The following KIAA1671 variants were observed in gnomAD, a reference collection of about 807,000 sequenced individuals.
KIAA1671 encodes the protein KIAA1671, also known as uncharacterized protein KIAA1671.
A neutral mutation model predicts 131.2 loss-of-function variants in KIAA1671; 52 were observed. That is an observed-to-expected ratio of 0.40 (90% CI 0.32 to 0.50). KIAA1671 has a LOEUF of 0.50. KIAA1671 is among the 20% of genes least tolerant of loss of function. KIAA1671 has a pLI of 0.73. For synonymous variants in KIAA1671, 1,003 were observed against 961.6 expected (o/e 1.04, Z -0.80); for missense variants, 2,360 against 2,364.2 (o/e 1.00, Z 0.04).
At chr22:25,129,243 G>T (rs1932322406) in intron 6 of KIAA1671, among the ~76,000 whole-genome samples, 1 of 152,218 alleles carries the variant, frequency 6.6e-6, no homozygotes, top group African/African-American at 2.4e-5. Context: ...TCTGGGCTGG[G>T]TATGTTGGCT....
At chr22:24,955,880 G>T (rs1300506162) in intron 1 of KIAA1671, among the ~76,000 whole-genome samples, 1 of 152,014 alleles carries the variant, frequency 6.6e-6, no homozygotes, top group Non-Finnish European at 1.5e-5. Flanking sequence ...AAAAAAATTA[G>T]CCAGGCATGG....
At chr22:24,953,388 G>A (rs757024695) in intron 1 of KIAA1671, among the ~76,000 whole-genome samples, 6 of 152,098 alleles carry the variant, frequency 3.9e-5, no homozygotes, top group Non-Finnish European at 8.8e-5. Flanking sequence ...CCTGGTCGAG[G>A]GGAGCCCGGA....
intron 6 of KIAA1671, chr22:25,070,454 T>A (rs893770842): frequency 2.3e-6 from 1 of 432,878 alleles, no homozygotes; most frequent in African/African-American, 2.0e-5. Flanking sequence ...CAGGACGGGG[T>A]CACGTCCTTT....
intron 6 of KIAA1671, among the ~76,000 whole-genome samples, chr22:25,123,894 C>T (rs1201001784): frequency 6.6e-6 from 1 of 152,212 alleles, no homozygotes; most frequent in East Asian, 1.9e-4. Flanking sequence ...GTACACATTT[C>T]TTCTCACTTA....
intron 6 of KIAA1671, among the ~76,000 whole-genome samples, chr22:25,157,158 T>G (rs1933271190): frequency 6.6e-6 from 1 of 152,204 alleles, no homozygotes; most frequent in Non-Finnish European, 1.5e-5. Flanking sequence ...TACATATAAT[T>G]ATACATTTTC....
chr22:25,041,798 G>T (rs972067185), intron 5 of KIAA1671, among the ~76,000 whole-genome samples: 1 of 152,158 alleles, frequency 6.6e-6, no homozygotes, highest in Middle Eastern at 3.2e-3. Flanking sequence ...AGGCTGGAGT[G>T]CAGTGGCATG....
At chr22:24,994,562 CCAGGCACCCTGTGGTGCCTGGGGTGG>C (rs1924010939) in intron 1 of KIAA1671, among the ~76,000 whole-genome samples, 1 of 152,100 alleles carries the variant, frequency 6.6e-6, no homozygotes, top group African/African-American at 2.4e-5. Context: ...TAGGCTCTTC[CCAGGCACCCTGTGGTGCCTGGGGTGG>C]CACACCTCTT....
intron 4 of KIAA1671, among the ~76,000 whole-genome samples, chr22:25,033,590 T>TTTTG (rs1926419944): frequency 7.7e-6 from 1 of 129,506 alleles, no homozygotes; most frequent in Non-Finnish European, 1.7e-5. Flanking sequence ...TTTTTTTTTT[T>TTTTG]TTTTTTTTGA....
At chr22:25,190,837 T>G in intron 12 of KIAA1671, 53 bp downstream of exon 12, 1 of 1,290,112 alleles carries the variant, frequency 7.8e-7, no homozygotes, top group East Asian at 2.6e-5. Flanking sequence ...GTCACAGGAA[T>G]GGGGAACTCA....
At chr22:25,160,779 C>T (rs373618124) in intron 6 of KIAA1671, among the ~76,000 whole-genome samples, 3 of 152,212 alleles carry the variant, frequency 2.0e-5, no homozygotes, top group African/African-American at 7.2e-5. Context: ...GAGGGGGAGT[C>T]AGTGGCTGCT....
chr22:25,037,774 T>G (rs1426152679), intron 4 of KIAA1671, among the ~76,000 whole-genome samples: 3 of 152,176 alleles, frequency 2.0e-5, no homozygotes, highest in African/African-American at 7.2e-5. Context: ...TTGACTGGCT[T>G]CTTTTGCTTA....
chr22:25,125,749 T>A (rs980378924), intron 6 of KIAA1671, among the ~76,000 whole-genome samples: 7 of 152,238 alleles, frequency 4.6e-5, no homozygotes, highest in Non-Finnish European at 7.3e-5. Context: ...AAAGTCACCC[T>A]GGTTGAGAAC....
intron 11 of KIAA1671, chr22:25,185,732 G>C (rs866725102): frequency 3.9e-5 from 6 of 152,286 alleles, no homozygotes; most frequent in African/African-American, 1.4e-4. Flanking sequence ...CACCATTGCT[G>C]CTTAAGAGCT....
chr22:25,032,211 G>C (rs1301857408), intron 3 of KIAA1671, among the ~76,000 whole-genome samples: 3 of 152,216 alleles, frequency 2.0e-5, no homozygotes, highest in East Asian at 3.9e-4. Flanking sequence ...CCCTCCTGGG[G>C]CATCTTCACT....
At chr22:24,989,940 T>C (rs1923751224) in intron 1 of KIAA1671, among the ~76,000 whole-genome samples, 1 of 152,100 alleles carries the variant, frequency 6.6e-6, no homozygotes, top group African/African-American at 2.4e-5. Context: ...AGGCAGAAGA[T>C]GGTAGAGAGC....
intron 6 of KIAA1671, among the ~76,000 whole-genome samples, chr22:25,152,104 C>T (rs940877870): frequency 1.3e-5 from 2 of 152,338 alleles, no homozygotes; most frequent in Non-Finnish European, 2.9e-5. Flanking sequence ...AGTAGCTGCG[C>T]TATATTCTAT....
chr22:25,150,018 A>G lies in KIAA1671; in HGVS notation c.4531-20802A>G, dbSNP rs546721464. Among the ~76,000 whole-genome samples the G allele has an allele frequency of 2.6e-5, 4 of 152,226 alleles. No individual in the cohort carries two copies. In the South Asian group the frequency reaches 6.2e-4, roughly 24 times the overall value. On this transcript the variant is annotated intron_variant, in intron 6 of 12. Transcript: ENST00000358431. ...GTGCCTGGTTGAAATGGTCGGCTTT[A>G]ATATCCATCTCCCCAACTTGATTTT...
At chr22:25,149,281 G>C (rs957004247) in intron 6 of KIAA1671, among the ~76,000 whole-genome samples, 1 of 152,190 alleles carries the variant, frequency 6.6e-6, no homozygotes, top group African/African-American at 2.4e-5. Context: ...GGCGCCTGCT[G>C]ACCTGGGGTT....
chr22:25,063,474 T>C (rs914072472), intron 6 of KIAA1671: 3 of 152,036 alleles, frequency 2.0e-5, no homozygotes, highest in Admixed American at 2.0e-4. Context: ...AAACCAAATA[T>C]TATATGTTCT....
Sources: allele counts gnomAD v4.1 joint callset (sites outside exome capture counted in the v4.1 genomes callset), GRCh38; gene constraint gnomAD v4.1.1; transcripts MANE v1.5; gene names NCBI Gene and HGNC (gene_info 2026-07-23, HGNC 2026-07-21).